Variants in CNTNAP5 observed in about 807,000 individuals in gnomAD.
CNTNAP5 encodes the protein contactin associated protein family member 5, also known as contactin-associated protein-like 5.
A neutral mutation model predicts 150.2 loss-of-function variants in CNTNAP5; 72 were observed. The ratio of observed to expected loss-of-function variants is 0.48; its 90% CI spans 0.40 to 0.58. The LOEUF (loss-of-function observed/expected upper bound fraction) is 0.58. Among genes scored for constraint, CNTNAP5 ranks in the 20% least tolerant of loss-of-function variants. The pLI, the probability that CNTNAP5 is intolerant of heterozygous loss-of-function variation, is 0.00. For missense variants in CNTNAP5, 1,636 were observed against 1,626.2 expected, an observed-to-expected ratio of 1.01 and a Z score of -0.10; for synonymous variants, 672 against 619.8, an observed-to-expected ratio of 1.08 and a Z score of -1.25.
rs1291868221 is a variant in CNTNAP5 at position 124,271,280 on chromosome 2, G to C, written c.381+28887G>C. On this transcript the variant is annotated intron_variant, in intron 3 of 23. Transcript: ENST00000682447. ...AAAAGGAAAATAAATTCCATAAGAG[G>C]AGAACAGCAAGAGACAAAATTAGGA... Among the ~76,000 whole-genome samples, 3 of 152,250 alleles carry C rather than the reference G, an allele frequency of 2.0e-5. No homozygotes were observed. The East Asian group carries it at 5.8e-4, about 29-fold the overall frequency.
chr2:124,411,571 A>G (rs1691765011), intron 3 of CNTNAP5, among the ~76,000 whole-genome samples: 1 of 141,418 alleles, frequency 7.1e-6, no homozygotes, highest in Non-Finnish European at 1.6e-5. Context: ...AGGCTGGTTC[A>G]ATATACGCAA....
intron 3 of CNTNAP5, among the ~76,000 whole-genome samples, chr2:124,318,656 G>T (rs966015189): frequency 7.2e-5 from 11 of 152,128 alleles, no homozygotes; most frequent in African/African-American, 2.7e-4. Flanking sequence ...AATAGAAAAA[G>T]AATCTGTATA....
intron 10 of CNTNAP5, among the ~76,000 whole-genome samples, chr2:124,536,780 A>C (rs538695244): frequency 7.1e-4 from 108 of 152,084 alleles, no homozygotes; most frequent in Middle Eastern, 3.4e-3. Context: ...GGGGTCAAGG[A>C]GGGGTGCTCC....
At chr2:124,640,980 G>T (rs1028468377) in intron 12 of CNTNAP5, among the ~76,000 whole-genome samples, 2 of 151,928 alleles carry the variant, frequency 1.3e-5, no homozygotes, top group African/African-American at 2.4e-5. Flanking sequence ...TACAAAATTA[G>T]CTGGGCGTGG....
At chr2:124,151,311 G>A (rs900410374) in intron 1 of CNTNAP5, among the ~76,000 whole-genome samples, 1 of 152,096 alleles carries the variant, frequency 6.6e-6, no homozygotes, top group South Asian at 2.1e-4. Flanking sequence ...TGAACGCATT[G>A]GTCCCCTCTT....
At chr2:124,634,510 A>G (rs557915598) in intron 12 of CNTNAP5, among the ~76,000 whole-genome samples, 1 of 152,130 alleles carries the variant, frequency 6.6e-6, no homozygotes, top group East Asian at 1.9e-4. Flanking sequence ...GTGTGTGTAT[A>G]CATATATTTT....
intron 13 of CNTNAP5, among the ~76,000 whole-genome samples, chr2:124,677,678 T>C (rs1380901634): frequency 6.6e-6 from 1 of 151,748 alleles, no homozygotes; most frequent in African/African-American, 2.4e-5. Context: ...CTGATTGGTG[T>C]GTTTACAATC....
At chr2:124,515,253 C>T (rs905629) in intron 8 of CNTNAP5, among the ~76,000 whole-genome samples, 37,741 of 152,172 alleles carry the variant, frequency 0.25, 5,069 homozygotes, top group South Asian at 0.45. Context: ...CCTTGGAGAG[C>T]GCAGAATGCT....
At chr2:124,310,595 T>C (rs1250289683) in intron 3 of CNTNAP5, among the ~76,000 whole-genome samples, 1 of 152,042 alleles carries the variant, frequency 6.6e-6, no homozygotes, top group Non-Finnish European at 1.5e-5. Context: ...ATTTCCCTAA[T>C]GATTCTTTTG....
intron 3 of CNTNAP5, among the ~76,000 whole-genome samples, chr2:124,407,939 G>T (rs989537781): frequency 1.7e-4 from 26 of 152,214 alleles, no homozygotes; most frequent in Admixed American, 2.0e-4. Context: ...CGACGCAGAA[G>T]ATGGGTGATT....
Position 124,474,780 on chromosome 2 carries a change from C to T in CNTNAP5, c.960C>T (p.Thr320=). ...GGIPVPGKPG[T]FLKKNFHGCI... ...TTCCAGTACCAGGAAAACCTGGGAC[C>T]TTTTTAAAGAAAAACTTCCATGGAT... Residue 320 remains threonine, a synonymous_variant, in exon 7 of 24, where the codon ACC becomes ACT. Transcript: ENST00000682447. The T allele has an allele frequency of 1.9e-6, 3 of 1,599,022 alleles. No homozygotes were observed. Among genetic ancestry groups the T allele is most frequent in the Non-Finnish European group, 2.6e-6 (3 of 1,173,998 alleles).
chr2:124,426,126 C>T (rs978512086), intron 4 of CNTNAP5, among the ~76,000 whole-genome samples: 7 of 151,368 alleles, frequency 4.6e-5, no homozygotes, highest in East Asian at 1.9e-4. Context: ...GCTGAGGTTA[C>T]GACTGGAATT....
chr2:124,342,421 T>C (rs1689640661), intron 3 of CNTNAP5, among the ~76,000 whole-genome samples: 1 of 152,146 alleles, frequency 6.6e-6, no homozygotes, highest in Admixed American at 6.6e-5. Context: ...CTTACCAGCA[T>C]GGCAGCCCCG....
At chr2:124,249,559 A>G (rs1422775608) in intron 3 of CNTNAP5, among the ~76,000 whole-genome samples, 1 of 152,216 alleles carries the variant, frequency 6.6e-6, no homozygotes, top group Non-Finnish European at 1.5e-5. Flanking sequence ...AAATTTATCT[A>G]TAGCCTAGAA....
chr2:124,345,238 T>C lies in CNTNAP5; in HGVS notation c.382-72205T>C, dbSNP rs115103336. On this transcript the variant is annotated intron_variant, in intron 3 of 23. Coordinates refer to ENST00000682447, the MANE Select transcript of CNTNAP5 (RefSeq NM_001367498.1). ...TTGTAGAACGTTCCATGGAGTAGTG[T>C]TGGAATGCACTTTTCTTCTAAGGTA... 2.3e-3 allele frequency among the ~76,000 whole-genome samples: 351 copies of C among 152,346 alleles called. 2 individuals carry two copies. The highest frequency in any genetic ancestry group is 8.1e-3 in the African/African-American group (336 of 41,584).
chr2:124,349,774 C>T (rs184615607), intron 3 of CNTNAP5, among the ~76,000 whole-genome samples: 1 of 151,422 alleles, frequency 6.6e-6, no homozygotes, highest in Admixed American at 6.6e-5. Flanking sequence ...ATAGGATCAG[C>T]TCAGCCCTTT....
chr2:124,737,463 C>A (rs1014645762), intron 13 of CNTNAP5, among the ~76,000 whole-genome samples: 1 of 151,934 alleles, frequency 6.6e-6, no homozygotes, highest in African/African-American at 2.4e-5. Flanking sequence ...AGAGCATGTG[C>A]GAGGGCTGGC....
intron 1 of CNTNAP5, among the ~76,000 whole-genome samples, chr2:124,182,396 G>A (rs1685229874): frequency 6.6e-6 from 1 of 152,192 alleles, no homozygotes; most frequent in East Asian, 1.9e-4. Context: ...TCTAACAAGG[G>A]ATTGATTGTC....
chr2:124,394,283 A>T (rs1347831690), intron 3 of CNTNAP5, among the ~76,000 whole-genome samples: 10 of 151,672 alleles, frequency 6.6e-5, no homozygotes, highest in Admixed American at 6.6e-4. Flanking sequence ...GAGGCATGAG[A>T]ATCGCTTGAA....
Sources: gnomAD v4.1 joint callset for allele counts (sites outside exome capture counted in the v4.1 genomes callset) on GRCh38, gnomAD v4.1.1 for gene constraint, MANE v1.5 for transcripts, NCBI Gene and HGNC (gene_info 2026-07-23, HGNC 2026-07-21) for gene names.